Variants in PTPRD observed in about 807,000 individuals in gnomAD.
The protein encoded by PTPRD is receptor-type tyrosine-protein phosphatase delta.
Under a neutral mutation model 214.5 loss-of-function variants are expected in PTPRD, and 34 were observed. That is an observed-to-expected ratio of 0.16 (90% CI 0.12 to 0.21). The LOEUF is 0.21. Among genes scored for constraint, PTPRD ranks in the 10% least tolerant of loss-of-function variants. PTPRD has a pLI of 1.00. For missense variants in PTPRD, 2,545 were observed against 2,398.7 expected (o/e 1.06, Z -1.27); for synonymous variants, 1,128 against 845.7 (o/e 1.33, Z -5.79).
intron 11 of PTPRD, among the ~76,000 whole-genome samples, chr9:8,932,635 C>T (rs1052294548): frequency 6.6e-6 from 1 of 152,124 alleles, no homozygotes; most frequent in African/African-American, 2.4e-5. Flanking sequence ...GTGGGCTCTG[C>T]CCAGTCTGAA....
intron 3 of PTPRD, among the ~76,000 whole-genome samples, chr9:10,093,039 T>G (rs755557973): frequency 8.6e-5 from 13 of 151,604 alleles, no homozygotes; most frequent in Non-Finnish European, 1.5e-4. Flanking sequence ...AACATTGGCT[T>G]TGGCAAATAA....
chr9:9,871,228 C>G (rs147251790), intron 5 of PTPRD, among the ~76,000 whole-genome samples: 27 of 152,126 alleles, frequency 1.8e-4, no homozygotes, highest in African/African-American at 6.5e-4. Context: ...AATTACAAGT[C>G]AAACAAGAGA....
At position 8,389,288 on chromosome 9, in the gene PTPRD, A is replaced by T. The variant is rs2135644783; in HGVS notation, c.4330T>A (p.Trp1444Arg). The T allele has an allele frequency of 6.2e-7, 1 of 1,613,124 alleles. No homozygotes were observed. Among genetic ancestry groups the T allele is most frequent in the Non-Finnish European group, 8.5e-7 (1 of 1,179,410 alleles). Reference sequence around the variant, plus strand: ...ACAACTGTGGCACTCCGTTGTTCCCATATCATTCTCCAAAAGTCCCCAAAT... The same window carrying T: ...ACAACTGTGGCACTCCGTTGTTCCCTTATCATTCTCCAAAAGTCCCCAAAT... Reference protein sequence around the residue: ...ETFGDFWRMIWEQRSATVVMM... With the variant: ...ETFGDFWRMIREQRSATVVMM... Residue 1444 changes from tryptophan (W) to arginine (R), a missense_variant, in exon 37 of 46, where the codon TGG (tryptophan) becomes AGG (arginine). Physicochemically the swap from Trp to Arg is moderately radical, Grantham distance 101 (BLOSUM62 -3). Transcript: ENST00000381196.
At chr9:8,863,022 T>C (rs879483914) in intron 11 of PTPRD, among the ~76,000 whole-genome samples, 35 of 152,122 alleles carry the variant, frequency 2.3e-4, no homozygotes, top group Admixed American at 9.8e-4. Context: ...CGTATGTAAC[T>C]AACCTGCACA....
At chr9:9,702,501 T>G (rs1191342037) in intron 7 of PTPRD, among the ~76,000 whole-genome samples, 1 of 152,180 alleles carries the variant, frequency 6.6e-6, no homozygotes, top group Non-Finnish European at 1.5e-5. Context: ...AAGAGAGTAA[T>G]TGTGTTATTA....
chr9:9,462,375 T>C (rs2093737334), intron 8 of PTPRD, among the ~76,000 whole-genome samples: 1 of 152,116 alleles, frequency 6.6e-6, no homozygotes, highest in South Asian at 2.1e-4. Context: ...TCTTGGGTAT[T>C]CATATTCATG....
At chr9:10,351,503 T>A (rs138647184) in intron 2 of PTPRD, among the ~76,000 whole-genome samples, 3 of 152,068 alleles carry the variant, frequency 2.0e-5, no homozygotes, top group African/African-American at 7.2e-5. Flanking sequence ...TGTATTGGAG[T>A]CATGAAGTGA....
At chr9:10,575,901 G>A (rs1367889723) in intron 2 of PTPRD, among the ~76,000 whole-genome samples, 6 of 152,074 alleles carry the variant, frequency 3.9e-5, no homozygotes, top group African/African-American at 1.4e-4. Flanking sequence ...GGAAGATGGA[G>A]AATCTCCTCA....
chr9:8,320,728 A>T (rs1417933758), intron 44 of PTPRD, among the ~76,000 whole-genome samples: 1 of 152,086 alleles, frequency 6.6e-6, no homozygotes, highest in Non-Finnish European at 1.5e-5. Context: ...CTAAAACCAC[A>T]TTAGAAAGGT....
chr9:8,805,972 G>A (rs1272150591), intron 11 of PTPRD, among the ~76,000 whole-genome samples: 40 of 141,166 alleles, frequency 2.8e-4, no homozygotes, highest in African/African-American at 9.9e-4. Context: ...TCCAGCCTGG[G>A]CTACAGAACG....
At chr9:8,610,163 A>T (rs1484211470) in intron 14 of PTPRD, among the ~76,000 whole-genome samples, 1 of 149,002 alleles carries the variant, frequency 6.7e-6, no homozygotes, top group African/African-American at 2.6e-5. Context: ...CATCATTATT[A>T]TTTGTTGTTG....
intron 5 of PTPRD, among the ~76,000 whole-genome samples, chr9:9,882,255 G>C (rs1190814593): frequency 6.6e-6 from 1 of 152,022 alleles, no homozygotes; most frequent in African/African-American, 2.4e-5. Flanking sequence ...ATTGTAAGCA[G>C]AAGGATCGAA....
chr9:10,461,420 T>A (rs1345789790), intron 2 of PTPRD, among the ~76,000 whole-genome samples: 1 of 151,924 alleles, frequency 6.6e-6, no homozygotes, highest in Non-Finnish European at 1.5e-5. Flanking sequence ...TTCACAATAG[T>A]CGAGCTATGA....
At chr9:9,203,937 C>G (rs1237793028) in intron 9 of PTPRD, among the ~76,000 whole-genome samples, 2 of 152,136 alleles carry the variant, frequency 1.3e-5, no homozygotes, top group East Asian at 3.9e-4. Flanking sequence ...TTTTTCTGCT[C>G]ACTGTACTCT....
intron 5 of PTPRD, among the ~76,000 whole-genome samples, chr9:9,862,225 G>T (rs1050166727): frequency 6.7e-6 from 1 of 148,954 alleles, no homozygotes; most frequent in Non-Finnish European, 1.5e-5. Context: ...AAAAAAAAAA[G>T]TGTTTACCAT....
chr9:9,804,784 T>C (rs2099062721), intron 5 of PTPRD, among the ~76,000 whole-genome samples: 2 of 151,650 alleles, frequency 1.3e-5, no homozygotes, highest in African/African-American at 4.8e-5. Flanking sequence ...ATAAAATGTT[T>C]GATTATAATC....
chr9:9,609,061 T>C (rs944575460), intron 7 of PTPRD, among the ~76,000 whole-genome samples: 2 of 152,296 alleles, frequency 1.3e-5, no homozygotes, highest in African/African-American at 2.4e-5. Flanking sequence ...AAATGAAATA[T>C]AGATCTGTGA....
At chr9:8,565,841 C>T (rs1394567438) in intron 14 of PTPRD, among the ~76,000 whole-genome samples, 1 of 152,042 alleles carries the variant, frequency 6.6e-6, no homozygotes, top group South Asian at 2.1e-4. Context: ...GCATTAATAG[C>T]AAAAGCATAC....
chr9:8,887,690 C>T (rs1457209331), intron 11 of PTPRD, among the ~76,000 whole-genome samples: 1 of 151,338 alleles, frequency 6.6e-6, no homozygotes, highest in African/African-American at 2.4e-5. Context: ...GAGATTTTTA[C>T]TTCAAAGGAA....
Sources: gnomAD v4.1 joint callset for allele counts (sites outside exome capture counted in the v4.1 genomes callset) on GRCh38, gnomAD v4.1.1 for gene constraint, MANE v1.5 for transcripts, NCBI Gene and HGNC (gene_info 2026-07-23, HGNC 2026-07-21) for gene names.